ENPP1: variants seen among roughly 807,000 people sequenced by gnomAD.
ENPP1 encodes ectonucleotide pyrophosphatase/phosphodiesterase 1, also known as ectonucleotide pyrophosphatase/phosphodiesterase family member 1.
Under a neutral mutation model 122.8 loss-of-function variants are expected in ENPP1, and 73 were observed. The ratio of observed to expected loss-of-function variants is 0.59; its 90% CI spans 0.49 to 0.72. The LOEUF (loss-of-function observed/expected upper bound fraction) is 0.72, where lower values mean the gene tolerates loss of function less well. Among genes scored for constraint, ENPP1 ranks in the 30% least tolerant of loss-of-function variants. The pLI is 0.00. For missense variants in ENPP1, 978 were observed against 1,128.1 expected (o/e 0.87, Z 1.91); for synonymous variants, 367 against 391.6 (o/e 0.94, Z 0.74).
At chr6:131,890,003 A>G (rs1387939670) in intron 24 of ENPP1, among the ~76,000 whole-genome samples, 1 of 150,700 alleles carries the variant, frequency 6.6e-6, no homozygotes, top group Non-Finnish European at 1.5e-5. Context: ...GATTCTTTAC[A>G]TTATTCAGAT....
chr6:131,808,409 G>T (rs1322870111), intron 1 of ENPP1, 134 bp downstream of exon 1: 2 of 1,179,420 alleles, frequency 1.7e-6, no homozygotes, highest in Middle Eastern at 3.2e-4. Flanking sequence ...TTCTTCGCCC[G>T]CGCGCTCTCC....
rs753528007 is a variant in ENPP1, at chr6:131,869,383, A to G, written c.1299A>G (p.Lys433=). Residue 433 remains lysine, a synonymous_variant, in exon 13 of 25, where the codon AAA becomes AAG. Transcript: ENST00000647893. The part of the protein sequence containing the change: ...DHGMEQGSCK[K]YIYLNKYLGD... ...GCATGGAACAAGGCAGTTGTAAGAAATACATATATCTGAATAAATATTTGG... is the reference window on the plus strand; with the variant it reads ...GCATGGAACAAGGCAGTTGTAAGAAGTACATATATCTGAATAAATATTTGG... 6 of 1,613,556 alleles carry G rather than the reference A, an allele frequency of 3.7e-6. No individual in the cohort carries two copies. Among genetic ancestry groups the G allele is most frequent in the East Asian group, 4.5e-5 (2 of 44,844 alleles).
chr6:131,881,025 T>G (rs556849493), intron 20 of ENPP1, among the ~76,000 whole-genome samples: 1 of 152,008 alleles, frequency 6.6e-6, no homozygotes, highest in East Asian at 1.9e-4. Context: ...TGATCTTACG[T>G]GGAATTGAAA....
intron 1 of ENPP1, among the ~76,000 whole-genome samples, chr6:131,815,724 G>A (rs77180651): frequency 0.019 from 2,772 of 149,340 alleles, 107 homozygotes; most frequent in African/African-American, 0.064. Flanking sequence ...TTTTTGAAAC[G>A]GAGTTTCACT....
At chr6:131,858,615 T>A (rs1781979148) in intron 6 of ENPP1, 53 bp from the exon 7 acceptor site, 9 of 1,193,528 alleles carry the variant, frequency 7.5e-6, no homozygotes, top group South Asian at 1.3e-5. Context: ...CTAAATGAGG[T>A]AAGCCAATTG....
At chr6:131,870,935 G>A (rs371214918) in intron 13 of ENPP1, among the ~76,000 whole-genome samples, 135 of 152,228 alleles carry the variant, frequency 8.9e-4, no homozygotes, top group African/African-American at 3.1e-3. Flanking sequence ...AATTATCTGA[G>A]CGTGGTGGCA....
intron 20 of ENPP1, among the ~76,000 whole-genome samples, chr6:131,881,116 T>C (rs956818359): frequency 6.6e-6 from 1 of 152,132 alleles, no homozygotes; most frequent in African/African-American, 2.4e-5. Context: ...TGAGAGAGCA[T>C]AGTGGAGGGC....
At chr6:131,863,370 T>C (rs1782047053) in intron 9 of ENPP1, among the ~76,000 whole-genome samples, 1 of 152,228 alleles carries the variant, frequency 6.6e-6, no homozygotes, top group Admixed American at 6.5e-5. Flanking sequence ...AGAACCTCTT[T>C]GGCCGATTTG....
intron 1 of ENPP1, among the ~76,000 whole-genome samples, chr6:131,825,704 G>A (rs969400305): frequency 6.6e-6 from 1 of 152,076 alleles, no homozygotes; most frequent in Non-Finnish European, 1.5e-5. Flanking sequence ...AAAGAGTTAA[G>A]ATATCAACGT....
intron 18 of ENPP1, 90 bp downstream of exon 18, chr6:131,877,251 T>A: frequency 7.7e-7 from 1 of 1,297,370 alleles, no homozygotes; most frequent in Non-Finnish European, 1.1e-6. Flanking sequence ...AATAATCAAA[T>A]TAGAATTTAG....
At chr6:131,857,520 A>C (rs1781963488) in intron 6 of ENPP1, among the ~76,000 whole-genome samples, 2 of 150,396 alleles carry the variant, frequency 1.3e-5, no homozygotes, top group African/African-American at 5.0e-5. Context: ...TGAAATTGGA[A>C]ATCATCATTC....
rs377330284 is a variant in ENPP1 at position 131,847,855 on chromosome 6, A to AGG, written c.313+8_313+9dup. 275 of 1,496,810 alleles carry AGG rather than the reference A, an allele frequency of 1.8e-4. No homozygotes were observed. The highest frequency in any genetic ancestry group is 1.2e-3 in the South Asian group (104 of 85,784). 92.7% of individuals were successfully genotyped at this position (1,496,810 alleles called of 1,614,324 possible). On this transcript the variant is annotated splice_region_variant and intron_variant, in intron 2 of 24. Transcript: ENST00000647893. ...CCAAGCTGTGCCAAAGAAGGTAATT[A>AGG]GGTGTGTGTGTGTGTGTGTGTGTGT...
chr6:131,835,273 T>G (rs1312832870), intron 1 of ENPP1, among the ~76,000 whole-genome samples: 1 of 152,206 alleles, frequency 6.6e-6, no homozygotes, highest in Admixed American at 6.5e-5. Flanking sequence ...TAACCTTTCC[T>G]TCTAAAAAAA....
chr6:131,831,998 A>G (rs1447187310), intron 1 of ENPP1, among the ~76,000 whole-genome samples: 1 of 151,976 alleles, frequency 6.6e-6, no homozygotes, highest in African/African-American at 2.4e-5. Context: ...TCTATTTTAT[A>G]CTTTGAATTA....
intron 2 of ENPP1, 152 bp from the exon 3 acceptor site, chr6:131,849,838 T>C: frequency 1.6e-6 from 1 of 644,126 alleles, no homozygotes; most frequent in Non-Finnish European, 2.8e-6. Context: ...TGTGTATTTG[T>C]GAAAAGATTT....
rs60756324 is a variant in ENPP1 at position 131,828,282 on chromosome 6, G to A, written c.241-19494G>A. On this transcript the variant is annotated intron_variant, in intron 1 of 24. Coordinates refer to ENST00000647893, the MANE Select transcript of ENPP1 (RefSeq NM_006208.3). ...CACAGAACCCTGCTCTGTGTCAGCTGGAGAGCTCCAGCCAGCATGTCCACA... is the reference window on the plus strand; with the variant it reads ...CACAGAACCCTGCTCTGTGTCAGCTAGAGAGCTCCAGCCAGCATGTCCACA... 6.4e-3 allele frequency: 3,438 copies of A among 536,724 alleles called. 114 individuals carry two copies. Among genetic ancestry groups the A allele is most frequent in the African/African-American group, 0.058 (3,027 of 51,830 alleles). 33.2% of individuals were successfully genotyped at this position (536,724 alleles called of 1,614,324 possible).
intron 17 of ENPP1, 152 bp downstream of exon 17, chr6:131,876,015 A>G: frequency 1.4e-6 from 1 of 699,008 alleles, no homozygotes; most frequent in Admixed American, 2.1e-5. Context: ...CACTGAAGAA[A>G]TGTGGGGAAC....
At chr6:131,860,982 T>A (rs563193228) in intron 8 of ENPP1, among the ~76,000 whole-genome samples, 27 of 152,276 alleles carry the variant, frequency 1.8e-4, no homozygotes, top group African/African-American at 6.0e-4. Context: ...AAAAATTTTT[T>A]AAAAATTGCC....
intron 1 of ENPP1, among the ~76,000 whole-genome samples, chr6:131,841,513 T>C (rs970631317): frequency 6.6e-6 from 1 of 152,240 alleles, no homozygotes; most frequent in Admixed American, 6.5e-5. Flanking sequence ...TTTTATGTAA[T>C]GCAGACACAA....
Sources: allele counts gnomAD v4.1 joint callset (sites outside exome capture counted in the v4.1 genomes callset), GRCh38; gene constraint gnomAD v4.1.1; transcripts MANE v1.5; gene names NCBI Gene and HGNC (gene_info 2026-07-23, HGNC 2026-07-21).